FRMD8: variants seen among roughly 807,000 people sequenced by gnomAD.
FRMD8 encodes the protein FERM domain containing 8.
Under a neutral mutation model 54.2 loss-of-function variants are expected in FRMD8, and 37 were observed. The ratio of observed to expected loss-of-function variants is 0.68; its 90% confidence interval spans 0.53 to 0.90. The LOEUF (loss-of-function observed/expected upper bound fraction) is 0.90. FRMD8 is among the 40% of genes least tolerant of loss of function. FRMD8 has a pLI of 0.00. For synonymous variants in FRMD8, 246 were observed against 286.9 expected (o/e 0.86, Z 1.44); for missense variants, 585 against 653.7 (o/e 0.89, Z 1.15).
At chr11:65,398,413 C>T (rs899856971) in intron 7 of FRMD8, among the ~76,000 whole-genome samples, 1 of 152,234 alleles carries the variant, frequency 6.6e-6, no homozygotes, top group Non-Finnish European at 1.5e-5. Flanking sequence ...TTTGGCGAAT[C>T]CTATGCATAT....
intron 9 of FRMD8, among the ~76,000 whole-genome samples, chr11:65,402,222 ACGCCCGTAAT>A (rs1565609424): frequency 6.6e-6 from 1 of 151,984 alleles, no homozygotes; most frequent in African/African-American, 2.4e-5. Context: ...GTGGTGGCAC[ACGCCCGTAAT>A]CCCAGCTACT....
intron 3 of FRMD8, among the ~76,000 whole-genome samples, chr11:65,392,731 G>C (rs530302945): frequency 1.3e-5 from 2 of 152,140 alleles, no homozygotes; most frequent in Non-Finnish European, 2.9e-5. Flanking sequence ...CCTGTGGGTG[G>C]CAGCAGCGAG....
intron 10 of FRMD8, among the ~76,000 whole-genome samples, chr11:65,407,529 G>A (rs1037463694): frequency 4.7e-5 from 7 of 148,526 alleles, no homozygotes; most frequent in African/African-American, 1.5e-4. Context: ...TGGGATTACA[G>A]TGTGAGCCAC....
chr11:65,389,387 G>T lies in FRMD8; in HGVS notation c.112G>T (p.Asp38Tyr). 6.2e-7 allele frequency: 1 copy of T among 1,610,838 alleles called. No individual in the cohort carries two copies. Among genetic ancestry groups the T allele is most frequent in the African/African-American group, 1.3e-5 (1 of 75,058 alleles). The change falls in exon 3 of 11, where the codon GAT (aspartate) becomes TAT (tyrosine). Residue 38 changes from aspartate to tyrosine, a missense_variant. Coordinates refer to ENST00000317568, the MANE Select transcript of FRMD8 (RefSeq NM_031904.5). ...GGCTGACGTGCTGGTATACCTAGCG[G>T]ATGACACGGTGGTGCCCCTGGCTGT... ...RAADVLVYLA[D>Y]DTVVPLAVEN...
At chr11:65,373,924 C>T in the FRMD8 span, among the ~76,000 whole-genome samples, 1 of 152,154 alleles carries the variant, frequency 6.6e-6, no homozygotes, top group Non-Finnish European at 1.5e-5. Context: ...CTCCATGGAC[C>T]ACACTTGGAT....
chr11:65,389,437 C>T lies in FRMD8; in HGVS notation c.162C>T (p.Ala54=). The part of the protein sequence containing the change: ...LAVENLPSLS[A]HELHRAVREV... ...TGGAGAACCTGCCCTCGCTCAGTGC[C>T]CATGAGCTGCACCGCGCTGTCCGCG... is the stretch of plus-strand genomic sequence containing the variant. The change falls in exon 3 of 11, where the codon GCC becomes GCT. Residue 54 remains alanine, a synonymous_variant. Transcript: ENST00000317568. 9.3e-6 allele frequency: 15 copies of T among 1,610,308 alleles called. No individual in the cohort carries two copies. Among genetic ancestry groups the T allele is most frequent in the Non-Finnish European group, 1.3e-5 (15 of 1,179,974 alleles).
chr11:65,395,503 C>T (rs1855933821), intron 6 of FRMD8, among the ~76,000 whole-genome samples: 1 of 152,192 alleles, frequency 6.6e-6, no homozygotes, highest in Non-Finnish European at 1.5e-5. Context: ...CAAGCCATTG[C>T]ACTCTAGCCT....
chr11:65,390,569 C>T (rs1212141403), intron 3 of FRMD8, among the ~76,000 whole-genome samples: 1 of 152,010 alleles, frequency 6.6e-6, no homozygotes, highest in Non-Finnish European at 1.5e-5. Context: ...CCCCTCCCCC[C>T]TGCCAGTAGG....
chr11:65,369,188 T>A, the FRMD8 span, among the ~76,000 whole-genome samples: 1 of 152,106 alleles, frequency 6.6e-6, no homozygotes, highest in Non-Finnish European at 1.5e-5. Flanking sequence ...CCCAGGTGAT[T>A]CCAAACAACA....
chr11:65,377,246 C>T, the FRMD8 span: 7 of 1,430,266 alleles, frequency 4.9e-6, no homozygotes, highest in South Asian at 1.5e-5. Flanking sequence ...GCCAGGATGT[C>T]TGCATGCGAC....
intron 10 of FRMD8, among the ~76,000 whole-genome samples, chr11:65,409,041 G>A (rs917722610): frequency 1.9e-4 from 29 of 152,022 alleles, no homozygotes; most frequent in African/African-American, 6.5e-4. Context: ...TAATCATTCC[G>A]AGCCAAAGGG....
At chr11:65,395,591 G>T (rs908961955) in intron 6 of FRMD8, among the ~76,000 whole-genome samples, 1 of 152,154 alleles carries the variant, frequency 6.6e-6, no homozygotes, top group East Asian at 1.9e-4. Context: ...TCTGATGGCC[G>T]GTCCACAGCC....
chr11:65,394,025 C>T lies in FRMD8; in HGVS notation c.356-16C>T. The T allele has an allele frequency of 6.2e-7, 1 of 1,613,978 alleles. No homozygotes were observed. The highest frequency in any genetic ancestry group is 8.5e-7 in the Non-Finnish European group (1 of 1,179,868). On this transcript the variant is annotated splice_polypyrimidine_tract_variant and intron_variant, in intron 4 of 10. Coordinates refer to ENST00000317568, the MANE Select transcript of FRMD8 (RefSeq NM_031904.5). ...AGAGTGGGGATGCCCGGCAGTGACC[C>T]AGCCTCTCTCCCCAGATGAGCCTTT...
At chr11:65,410,739 G>A (rs990032179) in intron 10 of FRMD8, among the ~76,000 whole-genome samples, 1 of 151,808 alleles carries the variant, frequency 6.6e-6, no homozygotes, top group Non-Finnish European at 1.5e-5. Context: ...GCAGTGAGCC[G>A]AGATAGTGCC....
intron 4 of FRMD8, 62 bp from the exon 5 acceptor site, chr11:65,393,979 C>A (rs184521656): frequency 7.0e-6 from 11 of 1,570,072 alleles, no homozygotes; most frequent in Non-Finnish European, 9.6e-6. Context: ...CTGGGCCAAT[C>A]GGGAGAGGGG....
the FRMD8 span, chr11:65,380,299 C>A: frequency 7.2e-7 from 1 of 1,391,822 alleles, no homozygotes. Context: ...CAGACACATG[C>A]AGCCACCTTC....
the FRMD8 span, among the ~76,000 whole-genome samples, chr11:65,370,985 G>T: frequency 6.6e-5 from 10 of 152,188 alleles, no homozygotes; most frequent in Non-Finnish European, 1.3e-4. Context: ...AAGAGGGAGA[G>T]CTCCTCTGAG....
At chr11:65,403,895 A>G (rs1166871285) in intron 9 of FRMD8, among the ~76,000 whole-genome samples, 1 of 152,210 alleles carries the variant, frequency 6.6e-6, no homozygotes, top group Non-Finnish European at 1.5e-5. Flanking sequence ...GGTTGCACTC[A>G]GGACTCTGTC....
Position 65,411,348 on chromosome 11 carries a change from G to A in FRMD8, c.1383G>A (p.Leu461=), listed in dbSNP as rs760943028. ...CCGTGGTGCAGCCCGGCGACAGCCT[G>A]GAGCAGGGCTGAGGACGCTGCACCC... The part of the protein sequence containing the change: ...SYTVVQPGDS[L]EQG The change falls in exon 11 of 11, where the codon CTG becomes CTA. Residue 461 remains leucine, a synonymous_variant. Transcript: ENST00000317568. The A allele has an allele frequency of 5.0e-6, 8 of 1,597,914 alleles. No homozygotes were observed. The Admixed American group carries it at 5.1e-5, about 10-fold the overall frequency.
Sources: allele counts gnomAD v4.1 joint callset (sites outside exome capture counted in the v4.1 genomes callset), GRCh38; gene constraint gnomAD v4.1.1; transcripts MANE v1.5; gene names NCBI Gene and HGNC (gene_info 2026-07-23, HGNC 2026-07-21).